Variants in NTM observed in about 807,000 individuals in gnomAD.
The protein encoded by NTM is neurotrimin.
In NTM, 13 loss-of-function variants were observed where a neutral mutation model predicts 42.1. The ratio of observed to expected loss-of-function variants is 0.31; its 90% confidence interval spans 0.20 to 0.49. NTM has a LOEUF of 0.49. NTM is among the 20% of genes least tolerant of loss of function. The pLI, the probability that NTM is intolerant of heterozygous loss-of-function variation, is 0.99. For missense variants in NTM, 373 were observed against 452.8 expected (o/e 0.82, Z 1.60); for synonymous variants, 187 against 179.2 (o/e 1.04, Z -0.35).
intron 1 of NTM, among the ~76,000 whole-genome samples, chr11:131,443,813 T>C (rs1949808002): frequency 6.6e-6 from 1 of 152,174 alleles, no homozygotes; most frequent in South Asian, 2.1e-4. Context: ...GCATGAGGTG[T>C]CACTGTGCAG....
At chr11:132,087,213 C>G (rs1379082678) in intron 2 of NTM, among the ~76,000 whole-genome samples, 2 of 152,096 alleles carry the variant, frequency 1.3e-5, no homozygotes, top group Non-Finnish European at 2.9e-5. Flanking sequence ...TGGCTTTCAC[C>G]CATGCTAAGG....
chr11:132,271,658 G>A (rs1176186228), intron 4 of NTM, among the ~76,000 whole-genome samples: 1 of 151,184 alleles, frequency 6.6e-6, no homozygotes, highest in African/African-American at 2.4e-5. Flanking sequence ...GATAGGAACT[G>A]TTTTTGATGT....
At chr11:131,948,720 G>C (rs1345953023) in intron 2 of NTM, among the ~76,000 whole-genome samples, 1 of 152,190 alleles carries the variant, frequency 6.6e-6, no homozygotes, top group Non-Finnish European at 1.5e-5. Context: ...AGGCGTCCAT[G>C]CTGGCAACTG....
In NTM at chr11:131,789,485, AAGAAGAGGAAAGAAGAAG is replaced by A. The variant is rs1285175683; in HGVS notation, c.83-122077_83-122060del. On this transcript the variant is annotated intron_variant, in intron 1 of 8. Coordinates refer to ENST00000683400, the MANE Select transcript of NTM (RefSeq NM_001352005.2). ...GAAGAAGAAGAAGAAGAAGAAGAAG[AAGAAGAGGAAAGAAGAAG>A]AAGAAGAAGAAGAAGAAGAAGAAGA... Among the ~76,000 whole-genome samples, 50 of 10,066 alleles carry A rather than the reference AAGAAGAGGAAAGAAGAAG, an allele frequency of 5.0e-3. 18 individuals are homozygous for A. Among genetic ancestry groups the A allele is most frequent in the Non-Finnish European group, 6.2e-3 (32 of 5,128 alleles). The allele number at this position is 10,066 out of a possible 152,430, so 6.6% of individuals were successfully genotyped here. A position where few individuals can be genotyped will look rare whatever the true frequency, so the allele number is the denominator to read the frequency against.
chr11:132,095,142 C>T (rs2060809982), intron 2 of NTM, among the ~76,000 whole-genome samples: 1 of 152,322 alleles, frequency 6.6e-6, no homozygotes, highest in Admixed American at 6.5e-5. Context: ...TGGGCACCTA[C>T]TTTGTGGCTG....
chr11:131,783,316 T>C (rs1341984574), intron 1 of NTM, among the ~76,000 whole-genome samples: 10 of 152,058 alleles, frequency 6.6e-5, no homozygotes, highest in Admixed American at 6.6e-4. Flanking sequence ...TGAGGAAATA[T>C]AAAGGAAATC....
chr11:132,036,209 T>C (rs1426672676), intron 2 of NTM, among the ~76,000 whole-genome samples: 1 of 152,126 alleles, frequency 6.6e-6, no homozygotes, highest in South Asian at 2.1e-4. Flanking sequence ...TGGGATAAGA[T>C]GTTGATTATG....
In NTM at chr11:131,631,937, C is replaced by T. The variant is rs541101503; in HGVS notation, c.82+261049C>T. ...TTATTTATATTATTTTATTTATTTC[C>T]GGGGACTTCTCTTTATTTTTTCCCT... On this transcript the variant is annotated intron_variant, in intron 1 of 8. Coordinates refer to ENST00000683400, the MANE Select transcript of NTM (RefSeq NM_001352005.2). Among the ~76,000 whole-genome samples the T allele has an allele frequency of 4.6e-5, 7 of 151,978 alleles. No homozygotes were observed. The South Asian group carries it at 1.0e-3, about 23-fold the overall frequency.
chr11:132,003,705 G>T lies in NTM; in HGVS notation c.167+92057G>T, dbSNP rs545559230. On this transcript the variant is annotated intron_variant, in intron 2 of 8. Coordinates refer to ENST00000683400, the MANE Select transcript of NTM (RefSeq NM_001352005.2). This position sits in a 1 kb window ranked among gnomAD's most constrained non-coding sequence, Gnocchi z 6.0. ...GTAGCTCAATCACATGTCCCACATG[G>T]AGCCCACTCTTTCCCATGGTACAAA... 6.6e-6 allele frequency among the ~76,000 whole-genome samples: 1 copy of T among 151,526 alleles called. No individual in the cohort carries two copies. The highest frequency in any genetic ancestry group is 6.6e-5 in the Admixed American group (1 of 15,248).
At chr11:132,079,029 A>G (rs1372513610) in intron 2 of NTM, among the ~76,000 whole-genome samples, 1 of 152,144 alleles carries the variant, frequency 6.6e-6, no homozygotes, top group Non-Finnish European at 1.5e-5. Context: ...CATGGGGTCG[A>G]CCCAGTGGCT....
rs149365533 is a variant in NTM at position 131,456,694 on chromosome 11, G to A, written c.82+85806G>A. On this transcript the variant is annotated intron_variant, in intron 1 of 8. Coordinates refer to ENST00000683400, the MANE Select transcript of NTM (RefSeq NM_001352005.2). ...TTTGGAGCCAAAGAACCTCCTTGCC[G>A]ATAGAGAAAATCCTGTCTACTCGTA... Among the ~76,000 whole-genome samples the A allele has an allele frequency of 8.5e-5, 13 of 152,266 alleles. No individual in the cohort carries two copies. In the East Asian group the frequency reaches 1.2e-3, roughly 14 times the overall value.
chr11:131,405,626 A>C (rs2135717157), intron 1 of NTM, among the ~76,000 whole-genome samples: 1 of 152,170 alleles, frequency 6.6e-6, no homozygotes, highest in South Asian at 2.1e-4. Flanking sequence ...CTGCCTGCTC[A>C]TTTTCAACCC....
intron 2 of NTM, among the ~76,000 whole-genome samples, chr11:132,066,748 A>G (rs1352975993): frequency 6.6e-6 from 1 of 152,140 alleles, no homozygotes; most frequent in Non-Finnish European, 1.5e-5. Context: ...ATATATGTTC[A>G]AATTTGCTTC....
chr11:132,291,389 A>AGAGAAAAACTGAAGGAG (rs2140003347), intron 4 of NTM, among the ~76,000 whole-genome samples: 1 of 152,328 alleles, frequency 6.6e-6, no homozygotes, highest in Non-Finnish European at 1.5e-5. Flanking sequence ...TTTATGAATA[A>AGAGAAAAACTGAAGGAG]GAGAAAAACT....
At chr11:132,240,280 C>A (rs1431915510) in intron 4 of NTM, among the ~76,000 whole-genome samples, 2 of 152,082 alleles carry the variant, frequency 1.3e-5, no homozygotes, top group African/African-American at 4.8e-5. Context: ...CTCTTTTTTC[C>A]TCAACTCTGT....
At chr11:132,037,811 A>G (rs2076690740) in intron 2 of NTM, among the ~76,000 whole-genome samples, 1 of 152,228 alleles carries the variant, frequency 6.6e-6, no homozygotes. Flanking sequence ...ATTATAACAT[A>G]GCTGCTATGT....
At chr11:132,132,990 C>A (rs559228648) in intron 2 of NTM, among the ~76,000 whole-genome samples, 1 of 152,292 alleles carries the variant, frequency 6.6e-6, no homozygotes, top group South Asian at 2.1e-4. Context: ...AATCCACTCA[C>A]CCCAGAAAAG....
chr11:131,407,718 T>A (rs1945950629), intron 1 of NTM, among the ~76,000 whole-genome samples: 1 of 152,198 alleles, frequency 6.6e-6, no homozygotes, highest in South Asian at 2.1e-4. Flanking sequence ...CAGAAAGAGT[T>A]CCTAGGACAT....
intron 1 of NTM, among the ~76,000 whole-genome samples, chr11:131,712,192 A>T (rs1432778226): frequency 2.1e-5 from 3 of 145,064 alleles, no homozygotes; most frequent in African/African-American, 7.7e-5. Flanking sequence ...AAACAAAAAA[A>T]AACCCCAAAA....
Sources: gnomAD v4.1 joint callset for allele counts (sites outside exome capture counted in the v4.1 genomes callset) on GRCh38, gnomAD v4.1.1 for gene constraint, Gnocchi (gnomAD v3.1) non-coding constraint, MANE v1.5 for transcripts, NCBI Gene and HGNC (gene_info 2026-07-23, HGNC 2026-07-21) for gene names.